ASIC2: variants seen among roughly 807,000 people sequenced by gnomAD.
ASIC2 encodes acid-sensing ion channel 2.
ASIC2 carries 25 observed loss-of-function variants against 57.3 expected under a neutral mutation model. That is an observed-to-expected ratio of 0.44 (90% CI 0.32 to 0.61). The LOEUF is 0.61. Ranked by LOEUF, ASIC2 falls within the 20% of genes least tolerant of loss-of-function variation. The pLI is 0.06. For synonymous variants in ASIC2, 319 were observed against 307.5 expected (o/e 1.04, Z -0.39); for missense variants, 641 against 738.1 (o/e 0.87, Z 1.52).
At chr17:33,043,517 A>T (rs1042399742) in intron 3 of ASIC2, among the ~76,000 whole-genome samples, 33 of 152,344 alleles carry the variant, frequency 2.2e-4, no homozygotes, top group African/African-American at 7.9e-4. Context: ...GGCATATGGC[A>T]AACATCACCA....
At chr17:33,431,924 G>T (rs975200824) in intron 1 of ASIC2, among the ~76,000 whole-genome samples, 2 of 152,074 alleles carry the variant, frequency 1.3e-5, no homozygotes, top group African/African-American at 4.8e-5. Flanking sequence ...TAACTGAAAA[G>T]ACATTAAGAA....
intron 2 of ASIC2, among the ~76,000 whole-genome samples, chr17:33,097,657 T>C (rs1394603630): frequency 6.6e-6 from 1 of 152,224 alleles, no homozygotes; most frequent in African/African-American, 2.4e-5. Flanking sequence ...TGGTGCCAGA[T>C]GACAAGCTGA....
chr17:34,060,510 G>A (rs985742213), intron 1 of ASIC2, among the ~76,000 whole-genome samples: 8 of 148,900 alleles, frequency 5.4e-5, no homozygotes, highest in Admixed American at 1.3e-4. Context: ...CTTGATTTAC[G>A]TGAAAAAGAA....
intron 1 of ASIC2, among the ~76,000 whole-genome samples, chr17:33,520,623 C>T (rs1473495137): frequency 1.3e-5 from 2 of 152,194 alleles, no homozygotes; most frequent in African/African-American, 4.8e-5. Flanking sequence ...GAGAGGGCGG[C>T]AGTGAGCCCA....
rs146636731 is a variant in ASIC2, at chr17:33,949,745, T to C, written c.555+206233A>G. On this transcript the variant is annotated intron_variant, in intron 1 of 9. Coordinates refer to the ASIC2 transcript ENST00000359872. ...TCTATAAATGTGGGATCGTGTTTGG[T>C]ACCAATCTTATCAAACGGTTGTACA... Among the ~76,000 whole-genome samples, 329 of 152,320 alleles carry C rather than the reference T, an allele frequency of 2.2e-3. 4 individuals carry two copies. The highest frequency in any genetic ancestry group is 0.013 in the East Asian group (65 of 5,176).
intron 1 of ASIC2, among the ~76,000 whole-genome samples, chr17:33,968,822 C>T (rs1905144392): frequency 1.3e-5 from 2 of 152,234 alleles, no homozygotes; most frequent in Non-Finnish European, 2.9e-5. Context: ...GGCAAGATGA[C>T]TCAGCAAAGA....
intron 1 of ASIC2, among the ~76,000 whole-genome samples, chr17:34,109,050 T>A (rs911215593): frequency 4.0e-4 from 1 of 2,496 alleles, no homozygotes. Context: ...TTTTATTTTA[T>A]TTTTATTTTA....
At chr17:33,143,197 A>T (rs1442546171) in intron 1 of ASIC2, among the ~76,000 whole-genome samples, 1 of 152,184 alleles carries the variant, frequency 6.6e-6, no homozygotes, top group Non-Finnish European at 1.5e-5. Context: ...CATGGATGCT[A>T]GCTTCAGGTG....
intron 1 of ASIC2, among the ~76,000 whole-genome samples, chr17:33,183,021 C>T (rs114065952): frequency 0.015 from 2,228 of 152,186 alleles, 34 homozygotes; most frequent in African/African-American, 0.039. Flanking sequence ...AACAGGAGGT[C>T]GCTATTGTTT....
At chr17:33,646,890 G>A (rs1255647861) in intron 1 of ASIC2, among the ~76,000 whole-genome samples, 1 of 152,096 alleles carries the variant, frequency 6.6e-6, no homozygotes, top group Non-Finnish European at 1.5e-5. Flanking sequence ...AGTGCTGGGG[G>A]AGCTGACAGT....
chr17:33,248,728 C>T (rs565493452), intron 1 of ASIC2, among the ~76,000 whole-genome samples: 13 of 152,310 alleles, frequency 8.5e-5, no homozygotes, highest in African/African-American at 2.9e-4. Flanking sequence ...TCTCTATCTC[C>T]GTGGTCACAT....
intron 1 of ASIC2, among the ~76,000 whole-genome samples, chr17:33,954,399 G>A (rs1904671358): frequency 6.6e-6 from 1 of 152,166 alleles, no homozygotes; most frequent in African/African-American, 2.4e-5. Flanking sequence ...TTTGCTCACT[G>A]CTCCATGGCA....
chr17:33,422,857 C>G (rs1390016431), intron 1 of ASIC2, among the ~76,000 whole-genome samples: 1 of 152,086 alleles, frequency 6.6e-6, no homozygotes, highest in East Asian at 1.9e-4. Flanking sequence ...AGTTGGTATA[C>G]CCGGGTGATG....
In ASIC2 at chr17:33,254,308, T is replaced by C. The variant is rs143552878; in HGVS notation, c.708+37100A>G. Among the ~76,000 whole-genome samples, 263 of 152,350 alleles carry C rather than the reference T, an allele frequency of 1.7e-3. 1 individual carries two copies. The highest frequency in any genetic ancestry group is 5.8e-3 in the African/African-American group (243 of 41,586). On this transcript the variant is annotated intron_variant, in intron 1 of 9. Coordinates refer to ENST00000225823, the MANE Select transcript of ASIC2 (RefSeq NM_183377.2). ...TCCAGTTGTGCCTCCCCTGTCCCTG[T>C]CCTCATACTGTCACCAATGTGATCA...
At chr17:33,094,883 G>T (rs9892479) in intron 2 of ASIC2, among the ~76,000 whole-genome samples, 6,067 of 152,258 alleles carry the variant, frequency 0.04, 129 homozygotes, top group Middle Eastern at 0.095. Flanking sequence ...TGTACCTGGA[G>T]CATCAGAACC....
chr17:33,305,989 A>G (rs1311798094), intron 1 of ASIC2, among the ~76,000 whole-genome samples: 5 of 152,214 alleles, frequency 3.3e-5, no homozygotes, highest in African/African-American at 1.2e-4. Context: ...AATTGGTTAC[A>G]TTGCAGCCAG....
chr17:33,195,641 C>T (rs1906592503), intron 1 of ASIC2, among the ~76,000 whole-genome samples: 1 of 152,040 alleles, frequency 6.6e-6, no homozygotes, highest in Non-Finnish European at 1.5e-5. Flanking sequence ...ACTTATAATC[C>T]AATAATTAAA....
intron 3 of ASIC2, among the ~76,000 whole-genome samples, chr17:33,080,896 A>T (rs1230579066): frequency 6.6e-6 from 1 of 152,188 alleles, no homozygotes; most frequent in African/African-American, 2.4e-5. Context: ...ATGGTGCACA[A>T]CTGAAAACTG....
chr17:33,064,633 G>A (rs186158841), intron 3 of ASIC2, among the ~76,000 whole-genome samples: 309 of 152,266 alleles, frequency 2.0e-3, no homozygotes, highest in African/African-American at 7.1e-3. Context: ...TAGGCTACTC[G>A]GGGGTCAGGG....
Sources: gnomAD v4.1 joint callset for allele counts (sites outside exome capture counted in the v4.1 genomes callset) on GRCh38, gnomAD v4.1.1 for gene constraint, MANE v1.5 for transcripts, NCBI Gene and HGNC (gene_info 2026-07-23, HGNC 2026-07-21) for gene names.